ATAD2: variants seen among roughly 807,000 people sequenced by gnomAD.
The protein encoded by ATAD2 is ATPase family AAA domain-containing protein 2.
ATAD2 carries 62 observed loss-of-function variants against 168.9 expected under a neutral mutation model. That is an observed-to-expected ratio of 0.37 (90% CI 0.30 to 0.45). ATAD2 has a LOEUF of 0.45. Ranked by LOEUF, ATAD2 falls within the 20% of genes least tolerant of loss-of-function variation. ATAD2 has a pLI of 1.00. For synonymous variants in ATAD2, 613 were observed against 571.6 expected, an observed-to-expected ratio of 1.07 and a Z score of -1.03; for missense variants, 1,419 against 1,667.8, an observed-to-expected ratio of 0.85 and a Z score of 2.60.
Position 123,337,811 on chromosome 8 carries a change from A to C in ATAD2, c.2865T>G (p.Ala955=), listed in dbSNP as rs543157451. The C allele has an allele frequency of 6.3e-7, 1 of 1,596,650 alleles. No homozygotes were observed. Among genetic ancestry groups the C allele is most frequent in the Non-Finnish European group, 8.5e-7 (1 of 1,174,024 alleles). Residue 955 remains alanine (A), a synonymous_variant, in exon 21 of 28, where the codon GCT becomes GCG. Coordinates refer to ENST00000287394, the MANE Select transcript of ATAD2 (RefSeq NM_014109.4). ...GTGGTGCTACTGGGAGTACCTCCAA[A>C]GCCTGCAAAACTTCACATGAATGGA... The part of the protein sequence containing the change: ...PISKKKAVLQ[A]LEVLPVAPPP...
chr8:123,410,390 G>C (rs1409851548), intron 1 of ATAD2, among the ~76,000 whole-genome samples: 1 of 152,096 alleles, frequency 6.6e-6, no homozygotes, highest in East Asian at 1.9e-4. Context: ...AGGTTCAAGC[G>C]ATTCTCCTGC....
intron 1 of ATAD2, chr8:123,401,687 G>A (rs4006576): frequency 0.69 from 528,324 of 761,478 alleles, 187,481 homozygotes; most frequent in East Asian, 0.96. Context: ...TGTGGGGCAC[G>A]TCAAGGTGCC....
intron 3 of ATAD2, among the ~76,000 whole-genome samples, chr8:123,372,150 T>C (rs571496776): frequency 6.6e-6 from 1 of 152,262 alleles, no homozygotes; most frequent in African/African-American, 2.4e-5. Context: ...AAGAGATAAA[T>C]TGTGGTATAT....
intron 24 of ATAD2, among the ~76,000 whole-genome samples, chr8:123,330,820 G>A (rs1170044048): frequency 6.6e-6 from 1 of 152,124 alleles, no homozygotes; most frequent in Non-Finnish European, 1.5e-5. Flanking sequence ...CTTGCATCCG[G>A]ATAAAAGCTG....
chr8:123,349,492 C>A, intron 13 of ATAD2, 48 bp from the exon 14 acceptor site: 1 of 1,509,776 alleles, frequency 6.6e-7, no homozygotes, highest in South Asian at 1.2e-5. Flanking sequence ...TGAACACAGT[C>A]TATATCATTC....
chr8:123,329,981 C>CTTTTTTTTTTTTGTTTTTTTT (rs1827731469), intron 24 of ATAD2, among the ~76,000 whole-genome samples: 1 of 100,342 alleles, frequency 1.0e-5, no homozygotes, highest in African/African-American at 3.6e-5. Flanking sequence ...CCAGTGGCTT[C>CTTTTTTTTTTTTGTTTTTTTT]TTTTTTTTTT....
intron 15 of ATAD2, among the ~76,000 whole-genome samples, 160 bp from the exon 16 acceptor site, chr8:123,347,566 G>A (rs1340376907): frequency 6.6e-6 from 1 of 152,126 alleles, no homozygotes; most frequent in Admixed American, 6.6e-5. Flanking sequence ...CTTTTACCCA[G>A]TAAACTTATA....
chr8:123,408,555 C>T (rs544110161), intron 1 of ATAD2, among the ~76,000 whole-genome samples: 6 of 152,126 alleles, frequency 3.9e-5, no homozygotes, highest in East Asian at 1.9e-4. Flanking sequence ...TCACTCTTGT[C>T]GCCCAGGCTG....
chr8:123,391,628 G>A (rs963303836), intron 1 of ATAD2, among the ~76,000 whole-genome samples: 1 of 152,048 alleles, frequency 6.6e-6, no homozygotes, highest in Non-Finnish European at 1.5e-5. Context: ...ATGTGGCTGA[G>A]GAAACTAAGA....
chr8:123,339,894 T>C (rs1828017567), intron 19 of ATAD2, among the ~76,000 whole-genome samples: 1 of 151,648 alleles, frequency 6.6e-6, no homozygotes, highest in Non-Finnish European at 1.5e-5. Context: ...CTTTTTTTGT[T>C]TTCTTTTTTT....
At chr8:123,380,138 G>A (rs1185917908) in intron 2 of ATAD2, among the ~76,000 whole-genome samples, 1 of 151,364 alleles carries the variant, frequency 6.6e-6, no homozygotes, top group African/African-American at 2.4e-5. Context: ...TGCAAGCTCC[G>A]CCTCCTGGGT....
At chr8:123,396,646 G>A (rs1056484116), upstream of ATAD2, among the ~76,000 whole-genome samples, 27 of 152,366 alleles carry the variant, frequency 1.8e-4, no homozygotes, top group African/African-American at 6.5e-4. Context: ...TGGGGAAAAC[G>A]CTGACTTCTT....
chr8:123,327,420 T>A (rs1827643628), intron 25 of ATAD2, among the ~76,000 whole-genome samples: 1 of 152,060 alleles, frequency 6.6e-6, no homozygotes, highest in African/African-American at 2.4e-5. Flanking sequence ...AGAAAGTATA[T>A]CCTAGTCTAT....
intron 1 of ATAD2, among the ~76,000 whole-genome samples, chr8:123,388,549 C>T (rs1829711891): frequency 6.6e-6 from 1 of 152,010 alleles, no homozygotes; most frequent in African/African-American, 2.4e-5. Flanking sequence ...GGCACCACCA[C>T]ACCTAGCTGG....
Position 123,351,983 on chromosome 8 carries a change from C to T in ATAD2, c.1647-2539G>A, listed in dbSNP as rs138552487. ...CAGGATGGTCTCGATCTCCTGACCT[C>T]GTGATCCACCCGCCTTGGCCTCCCA... is the stretch of plus-strand genomic sequence containing the variant. On this transcript the variant is annotated intron_variant, in intron 13 of 27. Coordinates refer to ENST00000287394, the MANE Select transcript of ATAD2 (RefSeq NM_014109.4). Among the ~76,000 whole-genome samples, 746 of 152,202 alleles carry T rather than the reference C, an allele frequency of 4.9e-3. 5 individuals are homozygous for T. Among genetic ancestry groups the T allele is most frequent in the Non-Finnish European group, 7.5e-3 (512 of 68,006 alleles).
At chr8:123,342,455 C>A (rs1828090561) in intron 19 of ATAD2, 1 of 151,058 alleles carries the variant, frequency 6.6e-6, no homozygotes, top group Non-Finnish European at 1.5e-5. Flanking sequence ...TGGAACAATA[C>A]AGAAGATTAG....
At chr8:123,346,314 A>G (rs533508978) in intron 17 of ATAD2, 42 bp from the exon 18 acceptor site, 11 of 1,493,374 alleles carry the variant, frequency 7.4e-6, no homozygotes, top group South Asian at 1.4e-5. Flanking sequence ...TAGAAAAAAC[A>G]GTTTAAATTT....
At chr8:123,406,076 G>A (rs2130032827) in intron 1 of ATAD2, among the ~76,000 whole-genome samples, 1 of 152,194 alleles carries the variant, frequency 6.6e-6, no homozygotes, top group South Asian at 2.1e-4. Flanking sequence ...TATTCTTGGG[G>A]TTATAAAACA....
intron 1 of ATAD2, among the ~76,000 whole-genome samples, chr8:123,405,682 C>T (rs766521626): frequency 2.0e-5 from 3 of 152,206 alleles, no homozygotes; most frequent in Non-Finnish European, 2.9e-5. Context: ...CTGTACTGTG[C>T]TTCTTTATCT....
Sources: gnomAD v4.1 joint callset for allele counts (sites outside exome capture counted in the v4.1 genomes callset) on GRCh38, gnomAD v4.1.1 for gene constraint, MANE v1.5 for transcripts, NCBI Gene and HGNC (gene_info 2026-07-23, HGNC 2026-07-21) for gene names.